FBXO45: variants seen among roughly 807,000 people sequenced by gnomAD.
FBXO45 encodes F-box protein 45.
FBXO45 carries 3 observed loss-of-function variants against 25.5 expected under a neutral mutation model. The ratio of observed to expected loss-of-function variants is 0.12; its 90% CI spans 0.05 to 0.30. The LOEUF (loss-of-function observed/expected upper bound fraction) is 0.30, where lower values mean the gene tolerates loss of function less well. Ranked by LOEUF, FBXO45 falls within the 10% of genes least tolerant of loss-of-function variation. The pLI is 1.00. For synonymous variants in FBXO45, 155 were observed against 149.8 expected (o/e 1.03, Z -0.25); for missense variants, 219 against 365.0 (o/e 0.60, Z 3.26).
chr3:196,569,417 A>C lies in FBXO45; in HGVS notation c.318+115A>C. ...CTTCGCCTCACCAGCCCGCCTTTCC[A>C]CGGCTCCAGTCAGTATCTTCCTCAC... On this transcript the variant is annotated intron_variant, in intron 1 of 2. Transcript: ENST00000311630. This position sits in a 1 kb window ranked among gnomAD's most constrained non-coding sequence, Gnocchi z 4.1. 9.7e-7 allele frequency: 1 copy of C among 1,029,830 alleles called. No individual in the cohort carries two copies. The highest frequency in any genetic ancestry group is 1.4e-6 in the Non-Finnish European group (1 of 724,992). The allele number at this position is 1,029,830 out of a possible 1,614,324, so 63.8% of individuals were successfully genotyped here.
chr3:196,574,516 C>T (rs952685881), intron 1 of FBXO45, among the ~76,000 whole-genome samples: 1 of 152,166 alleles, frequency 6.6e-6, no homozygotes, highest in Non-Finnish European at 1.5e-5. Context: ...CCCAACCTCC[C>T]ACCTTATTTG....
At chr3:196,574,641 T>G (rs1182623017) in intron 1 of FBXO45, among the ~76,000 whole-genome samples, 1 of 152,156 alleles carries the variant, frequency 6.6e-6, no homozygotes, top group Non-Finnish European at 1.5e-5. Flanking sequence ...CAATTTAGAT[T>G]AGATTAGATT....
In FBXO45 at chr3:196,581,481, G is replaced by T. The variant is rs191052310; in HGVS notation, c.676-2652G>T. Among the ~76,000 whole-genome samples the T allele has an allele frequency of 7.2e-5, 11 of 151,814 alleles. No homozygotes were observed. The East Asian group carries it at 2.1e-3, about 29-fold the overall frequency. ...CTTGACCTCGTGATCCGCCCGCCTC[G>T]GCCTCCCAAAGTGAAAGTACTGGGA... is the stretch of plus-strand genomic sequence containing the variant. On this transcript the variant is annotated intron_variant, in intron 2 of 2. Coordinates refer to ENST00000311630, the MANE Select transcript of FBXO45 (RefSeq NM_001105573.2).
intron 1 of FBXO45, among the ~76,000 whole-genome samples, chr3:196,574,804 T>TAA (rs1254440067): frequency 5.3e-5 from 8 of 152,122 alleles, no homozygotes; most frequent in African/African-American, 1.9e-4. Flanking sequence ...AAGAATAGCT[T>TAA]AATAGAGGTG....
chr3:196,580,049 A>G (rs1735981300), intron 2 of FBXO45, among the ~76,000 whole-genome samples: 1 of 151,646 alleles, frequency 6.6e-6, no homozygotes, highest in Non-Finnish European at 1.5e-5. Flanking sequence ...TGGAAGTGCA[A>G]TGGCGCAATC....
At position 196,569,242 on chromosome 3, in the gene FBXO45, C is replaced by T. The variant is rs1735728934; in HGVS notation, c.258C>T (p.Ser86=). The change falls in exon 1 of 3, where the codon AGC becomes AGT. Residue 86 remains serine, a synonymous_variant. Transcript: ENST00000311630. This position sits in a 1 kb window ranked among gnomAD's most constrained non-coding sequence, Gnocchi z 4.1. The part of the protein sequence containing the change: ...SEVWRSLCAR[S]LAEEALRTDI... ...TGTGGCGGAGCCTGTGCGCCCGCAG[C>T]CTGGCAGAAGAGGCTCTGCGCACGG... is the stretch of plus-strand genomic sequence containing the variant. 2.5e-6 allele frequency: 4 copies of T among 1,584,582 alleles called. No individual in the cohort carries two copies. Among genetic ancestry groups the T allele is most frequent in the Non-Finnish European group, 3.4e-6 (4 of 1,166,126 alleles).
intron 2 of FBXO45, among the ~76,000 whole-genome samples, chr3:196,580,544 C>T (rs1735991100): frequency 6.6e-6 from 1 of 152,110 alleles, no homozygotes; most frequent in Non-Finnish European, 1.5e-5. Context: ...AGGCTGGTCT[C>T]GAACTCCCAA....
Position 196,569,233 on chromosome 3 carries a change from C to T in FBXO45, c.249C>T (p.Cys83=), listed in dbSNP as rs1055060539. Residue 83 remains cysteine (C), a synonymous_variant, in exon 1 of 3, where the codon TGC becomes TGT. Transcript: ENST00000311630. This position sits in a 1 kb window ranked among gnomAD's most constrained non-coding sequence, Gnocchi z 4.1. The part of the protein sequence containing the change: ...DENSEVWRSL[C]ARSLAEEALR... Reference sequence around the variant, plus strand: ...ACAGCGAGGTGTGGCGGAGCCTGTGCGCCCGCAGCCTGGCAGAAGAGGCTC... The same window carrying T: ...ACAGCGAGGTGTGGCGGAGCCTGTGTGCCCGCAGCCTGGCAGAAGAGGCTC... 6.3e-7 allele frequency: 1 copy of T among 1,581,396 alleles called. No homozygotes were observed. The highest frequency in any genetic ancestry group is 1.3e-5 in the African/African-American group (1 of 74,240).
chr3:196,578,046 C>CTTTTATTTTTTTTT (rs1735946447), intron 2 of FBXO45, among the ~76,000 whole-genome samples: 1 of 94,100 alleles, frequency 1.1e-5, no homozygotes, highest in Non-Finnish European at 1.9e-5. Flanking sequence ...GAAAAATATT[C>CTTTTATTTTTTTTT]TTTTTTTTTT....
At position 196,569,358 on chromosome 3, in the gene FBXO45, G is replaced by T; in HGVS notation, c.318+56G>T. On this transcript the variant is annotated intron_variant, in intron 1 of 2. Transcript: ENST00000311630. This position sits in a 1 kb window ranked among gnomAD's most constrained non-coding sequence, Gnocchi z 4.1. ...CCAGTCCCGCTCCCCGGCGTCGTTC[G>T]CGGTGTTTCTCATCCGAGCTTCTGA... 1 of 1,431,924 alleles carries T rather than the reference G, an allele frequency of 7.0e-7. No homozygotes were observed. Among genetic ancestry groups the T allele is most frequent in the South Asian group, 1.4e-5 (1 of 70,410 alleles). The allele number at this position is 1,431,924 out of a possible 1,614,324, so 88.7% of individuals were successfully genotyped here. A position where few individuals can be genotyped will look rare whatever the true frequency, so the allele number is the denominator to read the frequency against.
chr3:196,578,059 T>TTTTTTTTTTTTTTA (rs1318938537), intron 2 of FBXO45, among the ~76,000 whole-genome samples: 2 of 148,834 alleles, frequency 1.3e-5, no homozygotes, highest in African/African-American at 2.5e-5. Context: ...TTTTTTTTTT[T>TTTTTTTTTTTTTTA]AGACAGAATC....
intron 1 of FBXO45, among the ~76,000 whole-genome samples, chr3:196,576,559 A>G (rs1209838496): frequency 6.6e-6 from 1 of 152,240 alleles, no homozygotes; most frequent in Non-Finnish European, 1.5e-5. Flanking sequence ...AAAAAATTTA[A>G]AATACACAAA....
intron 1 of FBXO45, among the ~76,000 whole-genome samples, chr3:196,574,543 G>A (rs944616003): frequency 2.6e-5 from 4 of 152,114 alleles, no homozygotes; most frequent in Admixed American, 6.5e-5. Flanking sequence ...AAACAAGGTG[G>A]TTTACTCTCA....
chr3:196,570,712 CTT>C (rs71161937), intron 1 of FBXO45, among the ~76,000 whole-genome samples: 3,523 of 99,858 alleles, frequency 0.035, 97 homozygotes, highest in African/African-American at 0.091. Flanking sequence ...TTTCTTTTTT[CTT>C]TTTTTTTTTT....
At chr3:196,580,525 A>T (rs907542971) in intron 2 of FBXO45, among the ~76,000 whole-genome samples, 1 of 151,914 alleles carries the variant, frequency 6.6e-6, no homozygotes, top group African/African-American at 2.4e-5. Flanking sequence ...GGGTTTCTCC[A>T]TGTTGGTCAG....
intron 1 of FBXO45, among the ~76,000 whole-genome samples, chr3:196,571,071 G>T (rs1735818370): frequency 6.6e-6 from 1 of 152,190 alleles, no homozygotes; most frequent in Non-Finnish European, 1.5e-5. Context: ...GTGCGTGGTG[G>T]CTATTCAGTG....
At chr3:196,574,565 C>T (rs975979928) in intron 1 of FBXO45, among the ~76,000 whole-genome samples, 2 of 152,140 alleles carry the variant, frequency 1.3e-5, no homozygotes, top group African/African-American at 2.4e-5. Flanking sequence ...CTCGATTTTG[C>T]GGATTTCATT....
chr3:196,577,456 C>T lies in FBXO45; in HGVS notation c.322C>T (p.Arg108Cys), dbSNP rs373406769. The change falls in exon 2 of 3, where the codon CGT becomes TGT. Residue 108 changes from arginine (R) to cysteine (C), a missense_variant. Coordinates refer to ENST00000311630, the MANE Select transcript of FBXO45 (RefSeq NM_001105573.2). Reference sequence around the variant, plus strand: ...GGTCTGTTTTTCATCTTTTTAGATACGTGCTTTTCAACATGCCTTCAGCAC... The same window carrying T: ...GGTCTGTTTTTCATCTTTTTAGATATGTGCTTTTCAACATGCCTTCAGCAC... ...CNLPSYKAKI[R>C]AFQHAFSTND... The T allele has an allele frequency of 5.8e-6, 9 of 1,561,852 alleles. No individual in the cohort carries two copies. Among genetic ancestry groups the T allele is most frequent in the East Asian group, 2.3e-5 (1 of 43,816 alleles).
At chr3:196,583,362 C>T (rs143091091) in intron 2 of FBXO45, among the ~76,000 whole-genome samples, 4,115 of 151,942 alleles carry the variant, frequency 0.027, 151 homozygotes, top group African/African-American at 0.083. Context: ...AAAAATTAGC[C>T]GGGCGTGGTG....
Sources: allele counts gnomAD v4.1 joint callset (sites outside exome capture counted in the v4.1 genomes callset), GRCh38; gene constraint gnomAD v4.1.1; non-coding constraint Gnocchi (gnomAD v3.1); transcripts MANE v1.5; gene names NCBI Gene and HGNC (gene_info 2026-07-23, HGNC 2026-07-21).